CYP2C19: variants seen among roughly 807,000 people sequenced by gnomAD.
CYP2C19 encodes cytochrome P450 family 2 subfamily C member 19, also known as cytochrome P450 2C19.
A neutral mutation model predicts 40.9 loss-of-function variants in CYP2C19; 59 were observed. That is an observed-to-expected ratio of 1.44 (90% CI 1.17 to 1.79). The LOEUF is 1.79. Ranked by LOEUF, CYP2C19 falls within the 40% of genes most tolerant of loss-of-function variation. The pLI, the probability that CYP2C19 is intolerant of heterozygous loss-of-function variation, is 0.00. For missense variants in CYP2C19, 754 were observed against 596.9 expected, an observed-to-expected ratio of 1.26 and a Z score of -2.74; for synonymous variants, 253 against 208.7, an observed-to-expected ratio of 1.21 and a Z score of -1.83.
chr10:94,826,808 C>T (rs1849232691), intron 6 of CYP2C19, among the ~76,000 whole-genome samples: 1 of 152,086 alleles, frequency 6.6e-6, no homozygotes, highest in Non-Finnish European at 1.5e-5. Context: ...TCATAGATAG[C>T]TCTTATTATT....
intron 1 of CYP2C19, among the ~76,000 whole-genome samples, chr10:94,768,784 C>T (rs551441965): frequency 6.6e-6 from 1 of 152,190 alleles, no homozygotes; most frequent in South Asian, 2.1e-4. Flanking sequence ...GTAAGGACTC[C>T]AAGAGGTATC....
At chr10:94,811,057 T>C (rs1243648882) in intron 5 of CYP2C19, among the ~76,000 whole-genome samples, 2 of 152,318 alleles carry the variant, frequency 1.3e-5, no homozygotes, top group East Asian at 3.9e-4. Flanking sequence ...GCTTTAGCTG[T>C]GTCTTGGAGA....
intron 6 of CYP2C19, among the ~76,000 whole-genome samples, chr10:94,836,490 C>T (rs540721818): frequency 1.6e-4 from 24 of 152,336 alleles, no homozygotes; most frequent in African/African-American, 5.8e-4. Context: ...TGGAAAGCCA[C>T]TTCTGTTTCA....
chr10:94,837,125 G>T (rs1172942639), intron 6 of CYP2C19, among the ~76,000 whole-genome samples: 1 of 152,124 alleles, frequency 6.6e-6, no homozygotes, highest in Non-Finnish European at 1.5e-5. Context: ...ATAAGGGCTG[G>T]GTACAGCTGG....
intron 1 of CYP2C19, among the ~76,000 whole-genome samples, chr10:94,767,392 A>G (rs1239666106): frequency 1.3e-5 from 2 of 152,206 alleles, no homozygotes; most frequent in Admixed American, 1.3e-4. Flanking sequence ...AAATCTAGGA[A>G]TTATTTCATG....
chr10:94,775,396 T>C lies in CYP2C19; in HGVS notation c.338T>C (p.Val113Ala). ...TCGTTTCTCTTCCTGTTAGGAATCG[T>C]TTTCAGCAATGGAAAGAGATGGAAG... ...AERANRGFGI[V>A]FSNGKRWKEI... is the part of the protein sequence containing the mutation. The change falls in exon 3 of 9, where the codon GTT (valine) becomes GCT (alanine). Residue 113 changes from valine to alanine, a missense_variant. Transcript: ENST00000371321. 6.2e-7 allele frequency: 1 copy of C among 1,613,986 alleles called. No individual in the cohort carries two copies. The highest frequency in any genetic ancestry group is 8.5e-7 in the Non-Finnish European group (1 of 1,180,012).
rs1484378185 is a variant in CYP2C19, at chr10:94,853,395, A to T, written c.*481A>T. 6.6e-6 allele frequency among the ~76,000 whole-genome samples: 1 copy of T among 152,146 alleles called. No individual in the cohort carries two copies. Among genetic ancestry groups the T allele is most frequent in the East Asian group, 1.9e-4 (1 of 5,196 alleles). ...CAAAGGTGAAGATGGTAGGGAAGCT[A>T]TTTTGGCTGAGCATTACCAAAATTT... On this transcript the variant is annotated 3_prime_UTR_variant, in exon 9 of 9. Coordinates refer to ENST00000371321, the MANE Select transcript of CYP2C19 (RefSeq NM_000769.4).
chr10:94,838,962 G>T (rs1345770013), intron 6 of CYP2C19, among the ~76,000 whole-genome samples: 2 of 151,620 alleles, frequency 1.3e-5, no homozygotes, highest in African/African-American at 4.9e-5. Context: ...CTTTCTTAGA[G>T]GGTCAAATTG....
intron 5 of CYP2C19, among the ~76,000 whole-genome samples, chr10:94,797,087 C>A (rs962102435): frequency 1.3e-5 from 2 of 152,082 alleles, no homozygotes; most frequent in East Asian, 1.9e-4. Context: ...AAAGGGAATG[C>A]TTCCAGTTTT....
At chr10:94,769,655 G>C (rs920143864) in intron 1 of CYP2C19, among the ~76,000 whole-genome samples, 2 of 152,090 alleles carry the variant, frequency 1.3e-5, no homozygotes, top group South Asian at 4.1e-4. Flanking sequence ...TCCTTACTGA[G>C]GCTTGAGTTT....
intron 6 of CYP2C19, among the ~76,000 whole-genome samples, chr10:94,826,141 G>T (rs1188625135): frequency 6.6e-6 from 1 of 152,066 alleles, no homozygotes; most frequent in Non-Finnish European, 1.5e-5. Context: ...GGTGATGCGG[G>T]CTCTTTTTTG....
intron 6 of CYP2C19, among the ~76,000 whole-genome samples, chr10:94,832,942 G>A (rs1849354782): frequency 1.3e-5 from 2 of 151,980 alleles, no homozygotes. Context: ...TCTTTCCTCA[G>A]TGCTTTATAG....
intron 5 of CYP2C19, among the ~76,000 whole-genome samples, chr10:94,803,770 C>T (rs2134255006): frequency 6.6e-6 from 1 of 152,252 alleles, no homozygotes; most frequent in South Asian, 2.1e-4. Context: ...GCTTTGAATG[C>T]CTCATGATCT....
At chr10:94,776,753 C>T (rs983848303) in intron 3 of CYP2C19, among the ~76,000 whole-genome samples, 7 of 152,104 alleles carry the variant, frequency 4.6e-5, no homozygotes, top group African/African-American at 1.4e-4. Flanking sequence ...GACAAAGATG[C>T]CCTCTCTCAC....
At chr10:94,827,279 A>T (rs1849242598) in intron 6 of CYP2C19, among the ~76,000 whole-genome samples, 2 of 151,990 alleles carry the variant, frequency 1.3e-5, no homozygotes, top group African/African-American at 4.8e-5. Flanking sequence ...TCGGCTGTGA[A>T]TCCGTCTGGT....
At chr10:94,849,760 T>G (rs1849624130) in intron 7 of CYP2C19, among the ~76,000 whole-genome samples, 157 bp from the exon 8 acceptor site, 1 of 151,718 alleles carries the variant, frequency 6.6e-6, no homozygotes, top group Non-Finnish European at 1.5e-5. Flanking sequence ...CTCATGCCTC[T>G]TATTACTTCG....
At chr10:94,836,479 C>T (rs1849405480) in intron 6 of CYP2C19, among the ~76,000 whole-genome samples, 1 of 152,188 alleles carries the variant, frequency 6.6e-6, no homozygotes, top group Non-Finnish European at 1.5e-5. Context: ...TCTTTAGGGC[C>T]TGGAAAGCCA....
intron 5 of CYP2C19, among the ~76,000 whole-genome samples, chr10:94,815,610 C>T (rs1226436896): frequency 1.3e-5 from 2 of 152,220 alleles, no homozygotes; most frequent in Admixed American, 6.5e-5. Flanking sequence ...TCCCTGTGGG[C>T]AATTAATGTC....
At chr10:94,767,333 T>C (rs982376599) in intron 1 of CYP2C19, among the ~76,000 whole-genome samples, 5 of 152,200 alleles carry the variant, frequency 3.3e-5, no homozygotes, top group Non-Finnish European at 7.3e-5. Flanking sequence ...TAAGTTATTA[T>C]GGCTTTAAAA....
Sources: gnomAD v4.1 joint callset for allele counts (sites outside exome capture counted in the v4.1 genomes callset) on GRCh38, gnomAD v4.1.1 for gene constraint, MANE v1.5 for transcripts, NCBI Gene and HGNC (gene_info 2026-07-23, HGNC 2026-07-21) for gene names.